Variants in SEMA4A observed in about 807,000 individuals in gnomAD.
SEMA4A encodes semaphorin 4A, also known as semaphorin-4A.
A neutral mutation model predicts 72.5 loss-of-function variants in SEMA4A; 52 were observed. The observed-to-expected ratio is 0.72, with a 90% CI of 0.57 to 0.90. The LOEUF (loss-of-function observed/expected upper bound fraction) is 0.90, where lower values mean the gene tolerates loss of function less well. Among genes scored for constraint, SEMA4A ranks in the 40% least tolerant of loss-of-function variants. The probability of loss-of-function intolerance (pLI) is 0.00; values close to 1 mark genes in which losing one functional copy is unlikely to be tolerated. For synonymous variants in SEMA4A, 369 were observed against 393.1 expected (o/e 0.94, Z 0.73); for missense variants, 926 against 959.7 (o/e 0.96, Z 0.46).
At position 156,175,210 on chromosome 1, in the gene SEMA4A, C is replaced by T. The variant is rs1452284163; in HGVS notation, c.1559C>T (p.Ser520Phe). ...RDPHCAWDPE[S>F]RTCCLLSAPN... Reference sequence around the variant, plus strand: ...CCCCACTGTGCCTGGGACCCTGAGTCCCGAACCTGTTGCCTCCTGTCTGCC... The same window carrying T: ...CCCCACTGTGCCTGGGACCCTGAGTTCCGAACCTGTTGCCTCCTGTCTGCC... The change falls in exon 13 of 15, where the codon TCC (serine) becomes TTC (phenylalanine). Residue 520 changes from serine (S) to phenylalanine (F), a missense_variant. Ser to Phe is a radical substitution (Grantham distance 155). Coordinates refer to ENST00000368285, the MANE Select transcript of SEMA4A (RefSeq NM_022367.4). The T allele has an allele frequency of 5.0e-6, 8 of 1,613,756 alleles. No individual in the cohort carries two copies. The highest frequency in any genetic ancestry group is 1.7e-5 in the Admixed American group (1 of 60,016).
At chr1:156,174,256 T>C (rs1352654780) in intron 11 of SEMA4A, among the ~76,000 whole-genome samples, 1 of 152,208 alleles carries the variant, frequency 6.6e-6, no homozygotes, top group Non-Finnish European at 1.5e-5. Context: ...TCAGGACAGA[T>C]TACTAGGCAC....
At chr1:156,161,828 A>G (rs1278397983) in intron 9 of SEMA4A, among the ~76,000 whole-genome samples, 1 of 152,256 alleles carries the variant, frequency 6.6e-6, no homozygotes, top group African/African-American at 2.4e-5. Context: ...AAAGGAGAAT[A>G]TGAGAAGCCA....
chr1:156,174,787 A>T, intron 11 of SEMA4A, 35 bp from the exon 12 acceptor site: 1 of 1,614,060 alleles, frequency 6.2e-7, no homozygotes, highest in South Asian at 1.1e-5. Flanking sequence ...TGTGGATGAG[A>T]TGAGATGACT....
At chr1:156,174,385 A>T (rs902989133) in intron 11 of SEMA4A, among the ~76,000 whole-genome samples, 1 of 152,264 alleles carries the variant, frequency 6.6e-6, no homozygotes, top group African/African-American at 2.4e-5. Flanking sequence ...TACATGGCAC[A>T]TCATGAGATT....
Position 156,161,043 on chromosome 1 carries a change from G to A in SEMA4A, c.810+14G>A, listed in dbSNP as rs764371202. 10 of 1,408,672 alleles carry A rather than the reference G, an allele frequency of 7.1e-6. No homozygotes were observed. The highest frequency in any genetic ancestry group is 8.9e-6 in the Non-Finnish European group (9 of 1,007,170). 87.3% of individuals were successfully genotyped at this position (1,408,672 alleles called of 1,614,324 possible). ...AGAGTCTGCAAGGTCCGCGGCCTGG[G>A]CGGGGGGCGGGGCTAACTGGAGGAG... On this transcript the variant is annotated intron_variant, in intron 8 of 14. Transcript: ENST00000368285.
At chr1:156,163,336 G>A (rs1369861683) in intron 10 of SEMA4A, 2 of 543,246 alleles carry the variant, frequency 3.7e-6, no homozygotes, top group Non-Finnish European at 6.7e-6. Context: ...CCAAATATCT[G>A]GGTATATCAC....
At chr1:156,171,434 G>A (rs1471105423) in intron 10 of SEMA4A, among the ~76,000 whole-genome samples, 1 of 152,166 alleles carries the variant, frequency 6.6e-6, no homozygotes, top group South Asian at 2.1e-4. Context: ...GTGCAAAACC[G>A]TGAGGAGAAA....
At position 156,175,178 on chromosome 1, in the gene SEMA4A, C is replaced by T; in HGVS notation, c.1527C>T (p.Ala509=). Residue 509 remains alanine (A), a synonymous_variant, in exon 13 of 15, where the codon GCC becomes GCT. Coordinates refer to ENST00000368285, the MANE Select transcript of SEMA4A (RefSeq NM_022367.4). The stretch of plus-strand genomic sequence containing the variant: ...AGAGCTGTGTGGACTGTGTCCTTGC[C>T]CGGGACCCCCACTGTGCCTGGGACC... The part of the protein sequence containing the change: ...VYESCVDCVL[A]RDPHCAWDPE... 6.2e-7 allele frequency: 1 copy of T among 1,614,124 alleles called. No homozygotes were observed. Among genetic ancestry groups the T allele is most frequent in the South Asian group, 1.1e-5 (1 of 91,084 alleles).
At chr1:156,159,820 G>T (rs1297158637) in intron 6 of SEMA4A, among the ~76,000 whole-genome samples, 1 of 151,748 alleles carries the variant, frequency 6.6e-6, no homozygotes, top group African/African-American at 2.4e-5. Flanking sequence ...CAGCTACTTG[G>T]GAGGCTGAGG....
chr1:156,162,267 AT>A (rs1653736863), intron 9 of SEMA4A, among the ~76,000 whole-genome samples: 1 of 152,270 alleles, frequency 6.6e-6, no homozygotes, highest in South Asian at 2.1e-4. Context: ...CTCAAAAAAA[AT>A]AAATAAAAAT....
chr1:156,149,044 C>T (rs566833674), upstream of SEMA4A, among the ~76,000 whole-genome samples: 5 of 152,136 alleles, frequency 3.3e-5, no homozygotes, highest in East Asian at 7.7e-4. Context: ...TCAGGTGATC[C>T]GCCAGCCTCA....
At chr1:156,165,512 A>C (rs1654070895) in intron 10 of SEMA4A, among the ~76,000 whole-genome samples, 1 of 152,276 alleles carries the variant, frequency 6.6e-6, no homozygotes, top group East Asian at 1.9e-4. Context: ...GGTATACGTA[A>C]TTCTAGAATA....
At chr1:156,173,819 G>C (rs1479770613) in intron 11 of SEMA4A, among the ~76,000 whole-genome samples, 2 of 152,128 alleles carry the variant, frequency 1.3e-5, no homozygotes, top group Middle Eastern at 3.2e-3. Context: ...GATTCAAATA[G>C]CCATTGTGGG....
intron 10 of SEMA4A, among the ~76,000 whole-genome samples, chr1:156,169,753 C>T (rs945047492): frequency 6.0e-5 from 9 of 150,008 alleles, no homozygotes; most frequent in East Asian, 4.2e-4. Context: ...CCTGGTCGGG[C>T]GTGGTGGCTC....
At position 156,160,537 on chromosome 1, in the gene SEMA4A, C is replaced by A. The variant is rs760718249; in HGVS notation, c.663C>A (p.Asp221Glu). The A allele has an allele frequency of 6.2e-7, 1 of 1,614,140 alleles. No homozygotes were observed. The highest frequency in any genetic ancestry group is 8.5e-7 in the Non-Finnish European group (1 of 1,179,978). The change falls in exon 7 of 15, where the codon GAC becomes GAA. Residue 221 changes from aspartate to glutamate, a missense_variant. Asp to Glu is a conservative substitution (Grantham distance 45). Coordinates refer to ENST00000368285, the MANE Select transcript of SEMA4A (RefSeq NM_022367.4). ...TLGSQPVLKT[D>E]NFLRWLHHDA... is the part of the protein sequence containing the mutation. The stretch of plus-strand genomic sequence containing the variant: ...GATCCCAGCCTGTCCTCAAGACCGA[C>A]AACTTCCTCCGCTGGCTGCATCGTA...
In SEMA4A at chr1:156,162,928, C is replaced by T. The variant is rs961641770; in HGVS notation, c.984-16C>T. 1 of 1,613,180 alleles carries T rather than the reference C, an allele frequency of 6.2e-7. No homozygotes were observed. The highest frequency in any genetic ancestry group is 1.3e-5 in the African/African-American group (1 of 75,008). On this transcript the variant is annotated splice_polypyrimidine_tract_variant and intron_variant, in intron 9 of 14. Transcript: ENST00000368285. Reference sequence around the variant, plus strand: ...TGGCAGAGACCACAGACAATGTTCCCTCTGGCTGTCTCCAGGCAGGTTGGC... The same window carrying T: ...TGGCAGAGACCACAGACAATGTTCCTTCTGGCTGTCTCCAGGCAGGTTGGC...
At position 156,177,155 on chromosome 1, in the gene SEMA4A, G is replaced by A. The variant is rs1655436114; in HGVS notation, c.*158G>A. ...TGCATCACTGATGACACTCAGCAGG[G>A]TGATGCACAGCAGTCTGCCTCCCCT... On this transcript the variant is annotated 3_prime_UTR_variant, in exon 15 of 15. Transcript: ENST00000368285. The A allele has an allele frequency of 6.9e-6, 5 of 728,620 alleles. No homozygotes were observed. Among genetic ancestry groups the A allele is most frequent in the East Asian group, 5.4e-5 (2 of 37,340 alleles). The allele number at this position is 728,620 out of a possible 1,614,324, so 45.1% of individuals were successfully genotyped here.
intron 10 of SEMA4A, 149 bp downstream of exon 10, chr1:156,163,243 C>T (rs542754467): frequency 5.8e-6 from 5 of 856,312 alleles, no homozygotes; most frequent in Non-Finnish European, 9.3e-6. Flanking sequence ...GGTATAGCTG[C>T]CTATATTCCA....
chr1:156,155,060 C>T (rs1652888758), intron 2 of SEMA4A: 1 of 351,598 alleles, frequency 2.8e-6, no homozygotes. Flanking sequence ...CTTCACACTC[C>T]CAGGTACCCC....
Sources: allele counts gnomAD v4.1 joint callset (sites outside exome capture counted in the v4.1 genomes callset), GRCh38; gene constraint gnomAD v4.1.1; transcripts MANE v1.5; gene names NCBI Gene and HGNC (gene_info 2026-07-23, HGNC 2026-07-21).